Variants in EFL1 observed in about 807,000 individuals in gnomAD.
The protein encoded by EFL1 is elongation factor like GTPase 1.
A neutral mutation model predicts 126.7 loss-of-function variants in EFL1; 76 were observed. The observed-to-expected ratio is 0.60, with a 90% confidence interval of 0.50 to 0.73. EFL1 has a LOEUF of 0.73. Among genes scored for constraint, EFL1 ranks in the 30% least tolerant of loss-of-function variants. EFL1 has a pLI of 0.00. For missense variants in EFL1, 1,128 were observed against 1,343.2 expected (o/e 0.84, Z 2.50); for synonymous variants, 410 against 448.4 (o/e 0.91, Z 1.08).
At position 82,196,558 on chromosome 15, in the gene EFL1, G is replaced by A. The variant is rs147441851; in HGVS notation, c.1750+18159C>T. ...AATGGCTGGGATAGTGTAATTTGCT[G>A]AGCAAGTCAAAATCCTTTCAGTTTT... On this transcript the variant is annotated intron_variant, in intron 15 of 19. Transcript: ENST00000268206. Among the ~76,000 whole-genome samples, 4 of 152,304 alleles carry A rather than the reference G, an allele frequency of 2.6e-5. No individual in the cohort carries two copies. The East Asian group carries it at 7.7e-4, about 29-fold the overall frequency.
intron 17 of EFL1, among the ~76,000 whole-genome samples, chr15:82,154,650 A>G (rs532056742): frequency 7.0e-4 from 106 of 152,332 alleles, no homozygotes; most frequent in Non-Finnish European, 6.9e-4. Context: ...CCCCAATGCC[A>G]TTAAGTATGA....
intron 17 of EFL1, among the ~76,000 whole-genome samples, chr15:82,156,529 C>T (rs559876169): frequency 2.0e-5 from 3 of 152,240 alleles, no homozygotes; most frequent in South Asian, 2.1e-4. Flanking sequence ...GTGATCTGCC[C>T]GCCCTGGCCT....
intron 15 of EFL1, among the ~76,000 whole-genome samples, chr15:82,179,765 G>A (rs575708218): frequency 5.0e-4 from 71 of 142,444 alleles, no homozygotes; most frequent in African/African-American, 1.7e-3. Flanking sequence ...AACTGGTGGG[G>A]ACAAAGAGGC....
chr15:82,158,582 A>G (rs1411265293), intron 16 of EFL1, among the ~76,000 whole-genome samples: 1 of 152,216 alleles, frequency 6.6e-6, no homozygotes, highest in African/African-American at 2.4e-5. Context: ...TTGGTCTTAA[A>G]GACGTTTTTA....
At chr15:82,172,217 T>A (rs2074144079) in intron 15 of EFL1, among the ~76,000 whole-genome samples, 1 of 152,212 alleles carries the variant, frequency 6.6e-6, no homozygotes, top group Non-Finnish European at 1.5e-5. Context: ...AGGTCTTATG[T>A]ACTGTAGACA....
At chr15:82,232,344 T>G (rs2074831161) in intron 7 of EFL1, among the ~76,000 whole-genome samples, 1 of 152,308 alleles carries the variant, frequency 6.6e-6, no homozygotes, top group East Asian at 1.9e-4. Context: ...GACATTTTCT[T>G]TCTTTTAAAT....
intron 17 of EFL1, among the ~76,000 whole-genome samples, chr15:82,156,754 G>T (rs984236803): frequency 1.3e-5 from 2 of 152,086 alleles, no homozygotes; most frequent in African/African-American, 4.8e-5. Context: ...TTATGATTAT[G>T]ATTATAGTCC....
intron 18 of EFL1, among the ~76,000 whole-genome samples, chr15:82,148,499 C>T (rs1331362026): frequency 1.3e-5 from 2 of 151,828 alleles, no homozygotes; most frequent in Non-Finnish European, 2.9e-5. Context: ...CTTATAGAAA[C>T]TAGTATCATG....
chr15:82,230,782 T>C (rs1174199985), intron 8 of EFL1, 66 bp downstream of exon 8: 15 of 1,514,492 alleles, frequency 9.9e-6, no homozygotes, highest in African/African-American at 1.4e-5. Context: ...ATTAAAGATA[T>C]TACAGTATAG....
Position 82,244,215 on chromosome 15 carries a change from G to A in EFL1, c.245-2812C>T, listed in dbSNP as rs769245299. 3.9e-5 allele frequency among the ~76,000 whole-genome samples: 6 copies of A among 151,920 alleles called. No individual in the cohort carries two copies. In the East Asian group the frequency reaches 5.8e-4, roughly 15 times the overall value. On this transcript the variant is annotated intron_variant, in intron 4 of 19. Transcript: ENST00000268206. ...GTCCCATATCCATTAGAGAAAAAAC[G>A]TCCCCAAGCACAGCTCTTCTGCTGT...
intron 15 of EFL1, among the ~76,000 whole-genome samples, chr15:82,203,920 A>G (rs1346534167): frequency 6.6e-6 from 1 of 152,186 alleles, no homozygotes; most frequent in African/African-American, 2.4e-5. Flanking sequence ...TGTCTCTTTA[A>G]GAGTGTACTT....
chr15:82,134,010 A>C (rs537863275), intron 19 of EFL1, among the ~76,000 whole-genome samples: 1 of 152,198 alleles, frequency 6.6e-6, no homozygotes, highest in African/African-American at 2.4e-5. Flanking sequence ...TCTCCCTTCA[A>C]TGCCAGTTCC....
intron 3 of EFL1, among the ~76,000 whole-genome samples, chr15:82,253,772 AC>A (rs1333383014): frequency 6.6e-6 from 1 of 152,188 alleles, no homozygotes; most frequent in Non-Finnish European, 1.5e-5. Flanking sequence ...ACACTGTAAT[AC>A]CCACCAATGA....
At chr15:82,198,798 C>T (rs550034117) in intron 15 of EFL1, among the ~76,000 whole-genome samples, 3 of 152,240 alleles carry the variant, frequency 2.0e-5, no homozygotes, top group African/African-American at 7.2e-5. Flanking sequence ...TGGTAAAATC[C>T]AGTGCTGTTT....
intron 19 of EFL1, among the ~76,000 whole-genome samples, chr15:82,133,681 C>T (rs951547227): frequency 2.0e-5 from 3 of 152,194 alleles, no homozygotes; most frequent in Non-Finnish European, 4.4e-5. Context: ...CTTTTTAAGA[C>T]ACCCGGCCAC....
intron 14 of EFL1, among the ~76,000 whole-genome samples, chr15:82,216,638 T>G (rs1233996538): frequency 6.6e-6 from 1 of 152,178 alleles, no homozygotes; most frequent in South Asian, 2.1e-4. Context: ...TTGGAACAGC[T>G]GGACATTTAA....
At position 82,152,251 on chromosome 15, in the gene EFL1, C is replaced by T. The variant is rs1457670727; in HGVS notation, c.2203G>A (p.Asp735Asn). ...GTTATGGTGATTAGCCCGTCAGAGT[C>T]AACTTGGATTCCTTCAGGGATTTTG... ...QSKIPEGIQV[D>N]SDGLITITTP... Residue 735 changes from aspartate (D) to asparagine (N), a missense_variant, in exon 18 of 20, where the codon GAC becomes AAC. By Grantham distance (23) the Asp-to-Asn change is conservative (BLOSUM62 1). Transcript: ENST00000268206. 1 of 1,614,184 alleles carries T rather than the reference C, an allele frequency of 6.2e-7. No individual in the cohort carries two copies.
chr15:82,194,640 G>T (rs1007490162), intron 15 of EFL1, among the ~76,000 whole-genome samples: 1 of 152,164 alleles, frequency 6.6e-6, no homozygotes, highest in Non-Finnish European at 1.5e-5. Context: ...CTTATCATCC[G>T]AGCTACGATT....
intron 3 of EFL1, among the ~76,000 whole-genome samples, chr15:82,256,211 T>A (rs1368041183): frequency 7.2e-5 from 11 of 152,174 alleles, no homozygotes; most frequent in Admixed American, 5.2e-4. Context: ...CCTGGGTTTA[T>A]GCAACTGTCC....
Sources: allele counts gnomAD v4.1 joint callset (sites outside exome capture counted in the v4.1 genomes callset), GRCh38; gene constraint gnomAD v4.1.1; transcripts MANE v1.5; gene names NCBI Gene and HGNC (gene_info 2026-07-23, HGNC 2026-07-21).